The following ENOX2 variants were observed in gnomAD, a reference collection of about 807,000 sequenced individuals.
ENOX2 encodes the protein ecto-NOX disulfide-thiol exchanger 2, also known as APK1 antigen.
A neutral mutation model predicts 45.0 loss-of-function variants in ENOX2; 36 were observed. That is an observed-to-expected ratio of 0.80 (90% CI 0.61 to 1.06). The LOEUF is 1.06. Among genes scored for constraint, ENOX2 ranks in the 50% least tolerant of loss-of-function variants. The pLI is 0.00. For missense variants in ENOX2, 423 were observed against 462.5 expected (o/e 0.91, Z 0.78); for synonymous variants, 174 against 152.3 (o/e 1.14, Z -1.05).
chrX:130,872,507 T>C (rs1237179630), intron 2 of ENOX2, among the ~76,000 whole-genome samples: 1 of 112,073 alleles, frequency 8.9e-6, no homozygotes, highest in Non-Finnish European at 1.9e-5. Flanking sequence ...CTTACCTTCA[T>C]TCCTAACCTA....
chrX:130,649,043 CAAAAAAAAAAAAAAAAAAA>C (rs35154919), intron 10 of ENOX2, among the ~76,000 whole-genome samples: 1 of 6,792 alleles, frequency 1.5e-4, no homozygotes, highest in African/African-American at 3.1e-4. Flanking sequence ...GACTCCATAT[CAAAAAAAAAAAAAAAAAAA>C]AAAAAAAAAA....
rs1174345565 is a variant in ENOX2 at position 130,623,368 on chromosome X, TTTTTC to T, written c.*1941_*1945del. On this transcript the variant is annotated 3_prime_UTR_variant, in exon 15 of 15. Transcript: ENST00000394363. ...AATATCATGGTAAGGAGTTTGATTT[TTTTTC>T]TTTTATTTTTTAAGTAAGTTCCGGG... is the stretch of plus-strand genomic sequence containing the variant. 3 of 110,623 alleles carry T rather than the reference TTTTTC, an allele frequency of 2.7e-5. No homozygotes were observed. Among genetic ancestry groups the T allele is most frequent in the African/African-American group, 3.3e-5 (1 of 30,370 alleles). The allele number at this position is 110,623 out of a possible 1,213,427, so 9.1% of individuals were successfully genotyped here.
chrX:130,766,634 T>G (rs2039625168), intron 3 of ENOX2, among the ~76,000 whole-genome samples: 1 of 111,591 alleles, frequency 9.0e-6, no homozygotes, highest in South Asian at 3.7e-4. Flanking sequence ...GAGGCAGGTT[T>G]TATTTTCATT....
chrX:130,815,083 C>T (rs753277338), intron 2 of ENOX2, among the ~76,000 whole-genome samples: 2 of 111,592 alleles, frequency 1.8e-5, no homozygotes, highest in East Asian at 5.7e-4. Context: ...AAACACAGCA[C>T]GAGAACTTCG....
intron 6 of ENOX2, among the ~76,000 whole-genome samples, chrX:130,674,546 C>T (rs996180266): frequency 1.8e-5 from 2 of 111,060 alleles, no homozygotes; most frequent in Non-Finnish European, 1.9e-5. Flanking sequence ...ACCCCAAGCA[C>T]GAGAAACAAG....
chrX:130,712,318 T>C (rs1409640786), intron 3 of ENOX2, among the ~76,000 whole-genome samples: 1 of 111,657 alleles, frequency 9.0e-6, no homozygotes, highest in Admixed American at 9.5e-5. Flanking sequence ...CAGGCGACTA[T>C]CAGGTAGTTG....
intron 2 of ENOX2, among the ~76,000 whole-genome samples, chrX:130,832,611 T>A (rs2077856841): frequency 9.0e-6 from 1 of 111,557 alleles, no homozygotes; most frequent in Admixed American, 9.5e-5. Context: ...CTCCCACTGA[T>A]GTTCCATAAT....
At chrX:130,704,152 A>G (rs991077118) in intron 3 of ENOX2, among the ~76,000 whole-genome samples, 2 of 112,269 alleles carry the variant, frequency 1.8e-5, no homozygotes, top group Non-Finnish European at 3.8e-5. Context: ...ATGCTTTACT[A>G]TCTCCAGTTA....
intron 3 of ENOX2, among the ~76,000 whole-genome samples, chrX:130,737,414 T>C (rs1293823785): frequency 8.9e-6 from 1 of 112,254 alleles, no homozygotes; most frequent in Non-Finnish European, 1.9e-5. Flanking sequence ...TTTCCACCTT[T>C]TCTCTTCAAA....
intron 3 of ENOX2, among the ~76,000 whole-genome samples, chrX:130,745,505 C>T (rs1172194151): frequency 8.9e-6 from 1 of 112,000 alleles, no homozygotes; most frequent in Non-Finnish European, 1.9e-5. Context: ...CTGGTTTGTT[C>T]TATAGGCTTG....
intron 2 of ENOX2, among the ~76,000 whole-genome samples, chrX:130,815,650 C>T (rs766816899): frequency 2.5e-4 from 28 of 111,866 alleles, no homozygotes; most frequent in Non-Finnish European, 3.2e-4. Context: ...CGAAACTAAG[C>T]TTCATAAGTG....
chrX:130,827,791 C>G (rs2077747258), intron 2 of ENOX2, among the ~76,000 whole-genome samples: 1 of 111,588 alleles, frequency 9.0e-6, no homozygotes, highest in Admixed American at 9.6e-5. Flanking sequence ...GTGTGCATGT[C>G]TCTTTAAGTT....
At chrX:130,785,182 G>A (rs1433564404) in intron 2 of ENOX2, among the ~76,000 whole-genome samples, 3 of 108,545 alleles carry the variant, frequency 2.8e-5, no homozygotes, top group Non-Finnish European at 5.7e-5. Context: ...AAAATAAGCC[G>A]GGCGTGGTGG....
chrX:130,730,359 A>G (rs941674500), intron 3 of ENOX2, among the ~76,000 whole-genome samples: 11 of 112,471 alleles, frequency 9.8e-5, no homozygotes, highest in African/African-American at 3.2e-4. Flanking sequence ...CTGTGAACCA[A>G]TGCAGACCTG....
rs181029559 is a variant in ENOX2, at chrX:130,792,720, G to A, written c.-182-9030C>T. Among the ~76,000 whole-genome samples the A allele has an allele frequency of 8.1e-4, 91 of 111,884 alleles. 2 individuals are homozygous for A. The highest frequency in any genetic ancestry group is 2.9e-3 in the African/African-American group (88 of 30,815). ...AGGCAGGAGAATCACTTGAACCCGGGTGGCGGAGGTTGCAGTGGGCTGAGA... is the reference window on the plus strand; with the variant it reads ...AGGCAGGAGAATCACTTGAACCCGGATGGCGGAGGTTGCAGTGGGCTGAGA... On this transcript the variant is annotated intron_variant, in intron 2 of 14. Transcript: ENST00000394363.
chrX:130,744,857 G>A (rs2039064315), intron 3 of ENOX2, among the ~76,000 whole-genome samples: 2 of 111,578 alleles, frequency 1.8e-5, no homozygotes, highest in Admixed American at 9.5e-5. Context: ...CAGCAGGTGA[G>A]TGAGCATTAC....
At chrX:130,627,925 C>A (rs764254246) in intron 14 of ENOX2, 33 bp downstream of exon 14, 4 of 1,025,514 alleles carry the variant, frequency 3.9e-6, no homozygotes, top group Non-Finnish European at 5.5e-6. Flanking sequence ...AATCCCACAT[C>A]CCCTTGCATC....
chrX:130,798,902 C>T (rs974451481), intron 2 of ENOX2, among the ~76,000 whole-genome samples: 8 of 112,252 alleles, frequency 7.1e-5, no homozygotes, highest in African/African-American at 2.6e-4. Flanking sequence ...TGTGGTTTGC[C>T]GATGTCACCT....
At chrX:130,832,438 C>T (rs868620111) in intron 2 of ENOX2, among the ~76,000 whole-genome samples, 7 of 85,279 alleles carry the variant, frequency 8.2e-5, no homozygotes, top group South Asian at 5.2e-4. Flanking sequence ...CACACACACA[C>T]ATACACACAC....
Sources: gnomAD v4.1 joint callset for allele counts (sites outside exome capture counted in the v4.1 genomes callset) on GRCh38, gnomAD v4.1.1 for gene constraint, MANE v1.5 for transcripts, NCBI Gene and HGNC (gene_info 2026-07-23, HGNC 2026-07-21) for gene names.